The following DIP2C variants were observed in gnomAD, a reference collection of about 807,000 sequenced individuals.
DIP2C encodes the protein disco-interacting protein 2 homolog C.
Under a neutral mutation model 192.4 loss-of-function variants are expected in DIP2C, and 33 were observed. The ratio of observed to expected loss-of-function variants is 0.17; its 90% CI spans 0.13 to 0.23. The LOEUF (loss-of-function observed/expected upper bound fraction) is 0.23, where lower values mean the gene tolerates loss of function less well. DIP2C is among the 10% of genes least tolerant of loss of function. The pLI is 1.00. For synonymous variants in DIP2C, 979 were observed against 864.1 expected (o/e 1.13, Z -2.33); for missense variants, 1,537 against 2,110.1 (o/e 0.73, Z 5.32).
chr10:668,430 CATACA>C (rs1475005301), intron 1 of DIP2C: 2 of 152,176 alleles, frequency 1.3e-5, no homozygotes, highest in South Asian at 2.1e-4. Context: ...ACCCATACAA[CATACA>C]ATACATGCAA....
chr10:344,394 C>T (rs58961365), intron 28 of DIP2C, among the ~76,000 whole-genome samples: 1 of 1,010 alleles, frequency 9.9e-4, no homozygotes, highest in Non-Finnish European at 1.6e-3. Flanking sequence ...GGGGCGGGGG[C>T]GGGGCGGGGG....
intron 9 of DIP2C, 22 bp downstream of exon 9, chr10:408,904 C>T (rs1195721167): frequency 2.5e-6 from 4 of 1,612,254 alleles, no homozygotes; most frequent in South Asian, 1.1e-5. Context: ...TTTGTAGATC[C>T]AGCAGTTTAA....
chr10:555,201 T>C (rs1488901333), intron 1 of DIP2C, among the ~76,000 whole-genome samples: 1 of 147,310 alleles, frequency 6.8e-6, no homozygotes, highest in Non-Finnish European at 1.5e-5. Flanking sequence ...TTTTTTTTTT[T>C]TCCCAAGCCA....
In DIP2C at chr10:311,608, C is replaced by A. The variant is rs982394419; in HGVS notation, c.3925-1516G>T. On this transcript the variant is annotated intron_variant, in intron 31 of 36. Transcript: ENST00000280886. ...GTGAGGACGAGAAGAGAGGAGAGAA[C>A]ACCAGACAACAGAAACCAACACACA... The A allele has an allele frequency of 4.9e-6, 6 of 1,230,846 alleles. No homozygotes were observed. The African/African-American group carries it at 9.3e-5, about 19-fold the overall frequency. 76.2% of individuals were successfully genotyped at this position (1,230,846 alleles called of 1,614,324 possible).
At chr10:479,686 C>A (rs186921302) in intron 2 of DIP2C, among the ~76,000 whole-genome samples, 2 of 152,288 alleles carry the variant, frequency 1.3e-5, no homozygotes, top group African/African-American at 4.8e-5. Context: ...CTTTGCCACA[C>A]ATCAGTATAT....
At chr10:624,291 C>A (rs980709985) in intron 1 of DIP2C, among the ~76,000 whole-genome samples, 2 of 152,238 alleles carry the variant, frequency 1.3e-5, no homozygotes, top group African/African-American at 4.8e-5. Flanking sequence ...CAAAGCCGGA[C>A]CTGCCAGCTC....
intron 2 of DIP2C, among the ~76,000 whole-genome samples, chr10:474,246 A>G (rs959245919): frequency 1.3e-5 from 2 of 152,076 alleles, no homozygotes; most frequent in African/African-American, 2.4e-5. Flanking sequence ...TTTAGACACC[A>G]CCCCTTACGC....
chr10:482,434 T>TC (rs1386206723), intron 2 of DIP2C, among the ~76,000 whole-genome samples: 2 of 152,110 alleles, frequency 1.3e-5, no homozygotes, highest in Admixed American at 1.3e-4. Flanking sequence ...CACGGATACC[T>TC]CTTCCCTGGA....
At chr10:545,637 T>A (rs1428838840) in intron 1 of DIP2C, among the ~76,000 whole-genome samples, 1 of 152,142 alleles carries the variant, frequency 6.6e-6, no homozygotes. Context: ...ACAAAGGAAA[T>A]AAGATGCTGT....
At position 493,448 on chromosome 10, in the gene DIP2C, T is replaced by TG. The variant is rs560656817; in HGVS notation, c.86-6919dup. On this transcript the variant is annotated intron_variant, in intron 1 of 36. Transcript: ENST00000280886. ...ATGTTGTATTTACATTTTTTGGTGT[T>TG]GGGGGGAGCGAGAAGGGGCAAGGTA... Among the ~76,000 whole-genome samples the TG allele has an allele frequency of 8.9e-4, 135 of 152,194 alleles. 4 individuals carry two copies. The South Asian group carries it at 0.011, about 12-fold the overall frequency.
In DIP2C at chr10:311,671, T is replaced by C. The variant is rs1300265665; in HGVS notation, c.3925-1579A>G. 4.0e-6 allele frequency: 4 copies of C among 988,986 alleles called. No homozygotes were observed. The East Asian group carries it at 1.3e-4, about 33-fold the overall frequency. 61.3% of individuals were successfully genotyped at this position (988,986 alleles called of 1,614,324 possible). A position where few individuals can be genotyped will look rare whatever the true frequency, so the allele number is the denominator to read the frequency against. Reference sequence around the variant, plus strand: ...ACACATACGACCCGACAGTGAAAAATGGGATGGAGAAGAGGGAGGGGTGGG... The same window carrying C: ...ACACATACGACCCGACAGTGAAAAACGGGATGGAGAAGAGGGAGGGGTGGG... On this transcript the variant is annotated intron_variant, in intron 31 of 36. Transcript: ENST00000280886.
At chr10:535,203 C>T (rs913734810) in intron 1 of DIP2C, among the ~76,000 whole-genome samples, 1 of 152,072 alleles carries the variant, frequency 6.6e-6, no homozygotes, top group South Asian at 2.1e-4. Flanking sequence ...GAAGGTGGCA[C>T]CTGCCCTAGA....
intron 1 of DIP2C, among the ~76,000 whole-genome samples, chr10:515,695 G>A (rs1846306923): frequency 6.7e-6 from 1 of 150,334 alleles, no homozygotes; most frequent in African/African-American, 2.5e-5. Context: ...CTGCACTCCA[G>A]CCTGGGCAAC....
chr10:553,829 A>G (rs1455709572), intron 1 of DIP2C, among the ~76,000 whole-genome samples: 3 of 152,202 alleles, frequency 2.0e-5, no homozygotes, highest in Non-Finnish European at 4.4e-5. Context: ...GGCAAGAAAT[A>G]TACCTCATAG....
At chr10:574,953 G>A (rs74379026) in intron 1 of DIP2C, among the ~76,000 whole-genome samples, 261 of 152,230 alleles carry the variant, frequency 1.7e-3, no homozygotes, top group Middle Eastern at 0.01. Context: ...AGATTCTCAG[G>A]TTCACCTTCC....
intron 4 of DIP2C, among the ~76,000 whole-genome samples, chr10:436,611 C>G (rs1469572635): frequency 6.6e-6 from 1 of 151,206 alleles, no homozygotes; most frequent in Non-Finnish European, 1.5e-5. Context: ...TGAGCTCTCT[C>G]TCAGCTCCAC....
At chr10:377,071 A>G (rs1961688497) in intron 17 of DIP2C, among the ~76,000 whole-genome samples, 1 of 151,052 alleles carries the variant, frequency 6.6e-6, no homozygotes, top group East Asian at 1.9e-4. Flanking sequence ...AAAACAGCCC[A>G]TTTTACAAGC....
intron 31 of DIP2C, 51 bp from the exon 32 acceptor site, chr10:310,143 G>A (rs778896889): frequency 6.6e-7 from 1 of 1,513,252 alleles, no homozygotes; most frequent in Non-Finnish European, 9.2e-7. Context: ...AGGGAGATTG[G>A]GGTCTGTGCT....
At chr10:391,469 C>T (rs1333971007) in intron 10 of DIP2C, among the ~76,000 whole-genome samples, 1 of 152,190 alleles carries the variant, frequency 6.6e-6, no homozygotes, top group Non-Finnish European at 1.5e-5. Context: ...ACACCAGATA[C>T]AGGTGGCTCC....
Sources: allele counts gnomAD v4.1 joint callset (sites outside exome capture counted in the v4.1 genomes callset), GRCh38; gene constraint gnomAD v4.1.1; transcripts MANE v1.5; gene names NCBI Gene and HGNC (gene_info 2026-07-23, HGNC 2026-07-21).